FAM161A: variants seen among roughly 807,000 people sequenced by gnomAD.
The protein encoded by FAM161A is FAM161 centrosomal protein A, also known as protein FAM161A.
FAM161A carries 57 observed loss-of-function variants against 70.9 expected under a neutral mutation model. The observed-to-expected ratio is 0.80, with a 90% CI of 0.65 to 1.00. The LOEUF is 1.00. FAM161A is among the 50% of genes least tolerant of loss of function. The pLI, the probability that FAM161A is intolerant of heterozygous loss-of-function variation, is 0.00. For missense variants in FAM161A, 880 were observed against 836.0 expected, an observed-to-expected ratio of 1.05 and a Z score of -0.65; for synonymous variants, 299 against 295.7, an observed-to-expected ratio of 1.01 and a Z score of -0.12.
chr2:61,814,206 G>A, the FAM161A span, among the ~76,000 whole-genome samples: 1 of 152,142 alleles, frequency 6.6e-6, no homozygotes, highest in South Asian at 2.1e-4. Context: ...TTGGAATTCT[G>A]TATGTAAATT....
At chr2:61,810,086 C>T in the FAM161A span, among the ~76,000 whole-genome samples, 1 of 152,224 alleles carries the variant, frequency 6.6e-6, no homozygotes, top group South Asian at 2.1e-4. Context: ...TGAGTCCAGC[C>T]CAAATTGTTG....
intron 1 of FAM161A, chr2:61,846,959 T>C: frequency 2.2e-6 from 1 of 453,956 alleles, no homozygotes; most frequent in South Asian, 1.6e-5. Context: ...AGGTCAGGAA[T>C]CCGAGACCAA....
the FAM161A span, among the ~76,000 whole-genome samples, chr2:61,816,945 T>C: frequency 6.6e-6 from 1 of 152,058 alleles, no homozygotes; most frequent in Non-Finnish European, 1.5e-5. Context: ...CCAAGTGGAG[T>C]CACACACCCG....
the FAM161A span, among the ~76,000 whole-genome samples, chr2:61,803,721 G>A: frequency 1.8e-3 from 280 of 152,316 alleles, 2 homozygotes; most frequent in Non-Finnish European, 2.4e-4. Flanking sequence ...AGCTGAGGCA[G>A]GAGAATGGTG....
chr2:61,839,425 C>T lies in FAM161A; in HGVS notation c.1579G>A (p.Val527Ile), dbSNP rs372121322. Reference sequence around the variant, plus strand: ...TACTGCGTCCTACTTACTTACCTTACGGCTTGTTCTCGTCCTCTGGAAGAT... The same window carrying T: ...TACTGCGTCCTACTTACTTACCTTATGGCTTGTTCTCGTCCTCTGGAAGAT... ...TVSSRGREQAVRRSLEEKKML... is the reference protein window; with the variant it reads ...TVSSRGREQAIRRSLEEKKML... Residue 527 changes from valine to isoleucine, a missense_variant, in exon 3 of 7, where the codon GTA becomes ATA. Physicochemically the swap from Val to Ile is conservative, Grantham distance 29 (BLOSUM62 3). Coordinates refer to ENST00000404929, the MANE Select transcript of FAM161A (RefSeq NM_001201543.2). 1.4e-5 allele frequency: 23 copies of T among 1,614,044 alleles called. No individual in the cohort carries two copies. The highest frequency in any genetic ancestry group is 7.7e-5 in the South Asian group (7 of 91,080).
At position 61,842,136 on chromosome 2, in the gene FAM161A, AAG is replaced by A. The variant is rs2105086549; in HGVS notation, c.406_407del (p.Leu136Ter). On this transcript the variant is annotated frameshift_variant, in exon 2 of 7. Coordinates refer to ENST00000404929, the MANE Select transcript of FAM161A (RefSeq NM_001201543.2). LOFTEE classifies it high-confidence loss of function. ...TACAAGCTTACCTGGAAGAGTCACTAAGAGAGTCTTCTCTGATGACCACTGGC... is the reference window on the plus strand; with the variant it reads ...TACAAGCTTACCTGGAAGAGTCACTAAGAGTCTTCTCTGATGACCACTGGC... ...VQPVVIREDS[L>X]SDSSRSVSEK... is the part of the protein sequence containing the mutation. 6.3e-7 allele frequency: 1 copy of A among 1,585,028 alleles called. No individual in the cohort carries two copies. Among genetic ancestry groups the A allele is most frequent in the Non-Finnish European group, 8.7e-7 (1 of 1,153,480 alleles).
At chr2:61,827,392 C>T (rs907338200) in intron 5 of FAM161A, 134 bp from the exon 6 acceptor site, 8 of 779,600 alleles carry the variant, frequency 1.0e-5, no homozygotes, top group African/African-American at 3.4e-5. Context: ...GGGTGGATCA[C>T]GAGGTCAGGA....
At position 61,827,542 on chromosome 2, in the gene FAM161A, G is replaced by A. The variant is rs111404487; in HGVS notation, c.1852-284C>T. Among the ~76,000 whole-genome samples, 612 of 150,860 alleles carry A rather than the reference G, an allele frequency of 4.1e-3. 2 individuals carry two copies. The highest frequency in any genetic ancestry group is 0.013 in the African/African-American group (554 of 41,042). ...GGAGAATGGCGTGAACCTGGGAGGC[G>A]GAGCTTGCAGTGAGCCGAGATCGCG... On this transcript the variant is annotated intron_variant, in intron 5 of 6. Coordinates refer to ENST00000404929, the MANE Select transcript of FAM161A (RefSeq NM_001201543.2).
the FAM161A span, among the ~76,000 whole-genome samples, chr2:61,815,535 C>CTTTTTTTTTTTTTTTTTTTT: frequency 3.8e-5 from 2 of 53,210 alleles, no homozygotes; most frequent in African/African-American, 8.0e-5. Context: ...AAAGATGTGT[C>CTTTTTTTTTTTTTTTTTTTT]TTTTTTTTTT....
intron 1 of FAM161A, among the ~76,000 whole-genome samples, chr2:61,842,913 G>A (rs1040322652): frequency 3.9e-5 from 6 of 152,158 alleles, no homozygotes; most frequent in African/African-American, 1.4e-4. Flanking sequence ...CTCACAGTGG[G>A]GCAAGACTTT....
intron 1 of FAM161A, among the ~76,000 whole-genome samples, chr2:61,850,732 AAG>A (rs1490671246): frequency 6.6e-6 from 1 of 152,230 alleles, no homozygotes; most frequent in Non-Finnish European, 1.5e-5. Context: ...CAGCCTGGAC[AAG>A]AGAGTGAAAC....
intron 4 of FAM161A, among the ~76,000 whole-genome samples, 159 bp downstream of exon 4, chr2:61,838,375 GGTGA>G (rs766864581): frequency 6.6e-6 from 1 of 152,154 alleles, no homozygotes; most frequent in African/African-American, 2.4e-5. Context: ...CTCACCATGA[GGTGA>G]GTGTGTGTGC....
chr2:61,841,638 C>G (rs1296581746), intron 2 of FAM161A, among the ~76,000 whole-genome samples: 1 of 152,196 alleles, frequency 6.6e-6, no homozygotes, highest in Non-Finnish European at 1.5e-5. Flanking sequence ...ACAAAGGAGA[C>G]ATGCAAGCAT....
rs1046314139 is a variant in FAM161A at position 61,826,091 on chromosome 2, A to G, written c.*364T>C. ...CAAAATTTTTAAAAAGTAAACCACC[A>G]AAGACCAATACTTCTCTCTCCTTTC... On this transcript the variant is annotated 3_prime_UTR_variant, in exon 7 of 7. Coordinates refer to ENST00000404929, the MANE Select transcript of FAM161A (RefSeq NM_001201543.2). 1.3e-5 allele frequency: 6 copies of G among 468,446 alleles called. No homozygotes were observed. Among genetic ancestry groups the G allele is most frequent in the African/African-American group, 1.2e-4 (6 of 50,634 alleles). 29.0% of individuals were successfully genotyped at this position (468,446 alleles called of 1,614,324 possible).
chr2:61,816,583 C>G, the FAM161A span, among the ~76,000 whole-genome samples: 2 of 151,996 alleles, frequency 1.3e-5, no homozygotes, highest in Non-Finnish European at 2.9e-5. Flanking sequence ...CCTCAGTCTC[C>G]TGAGTAGCTG....
At chr2:61,813,331 A>G in the FAM161A span, among the ~76,000 whole-genome samples, 1 of 151,746 alleles carries the variant, frequency 6.6e-6, no homozygotes. Flanking sequence ...TCACAAGGTC[A>G]GGAGTTCAAG....
the FAM161A span, among the ~76,000 whole-genome samples, chr2:61,809,155 G>A: frequency 6.6e-6 from 1 of 152,142 alleles, no homozygotes; most frequent in African/African-American, 2.4e-5. Context: ...TTACAGGCAT[G>A]AGCCACCGCG....
chr2:61,830,769 A>G (rs568973069), intron 5 of FAM161A, among the ~76,000 whole-genome samples: 15 of 150,938 alleles, frequency 9.9e-5, no homozygotes, highest in Non-Finnish European at 1.9e-4. Flanking sequence ...TCAGTTTCCC[A>G]AAGTGTTGGG....
the FAM161A span, chr2:61,803,333 C>G: frequency 2.9e-6 from 2 of 681,124 alleles, no homozygotes; most frequent in East Asian, 5.6e-5. Context: ...CCCAAACATA[C>G]CAAACATAGA....
Sources: gnomAD v4.1 joint callset for allele counts (sites outside exome capture counted in the v4.1 genomes callset) on GRCh38, gnomAD v4.1.1 for gene constraint, MANE v1.5 for transcripts, NCBI Gene and HGNC (gene_info 2026-07-23, HGNC 2026-07-21) for gene names.